NRDC: variants seen among roughly 807,000 people sequenced by gnomAD.
NRDC encodes the protein nardilysin.
A neutral mutation model predicts 147.1 loss-of-function variants in NRDC; 54 were observed. The observed-to-expected ratio is 0.37, with a 90% CI of 0.29 to 0.46. The LOEUF (loss-of-function observed/expected upper bound fraction) is 0.46, where lower values mean the gene tolerates loss of function less well. NRDC is among the 20% of genes least tolerant of loss of function. The probability of loss-of-function intolerance (pLI) is 1.00; values close to 1 mark genes in which losing one functional copy is unlikely to be tolerated. For missense variants in NRDC, 1,082 were observed against 1,370.6 expected (o/e 0.79, Z 3.33); for synonymous variants, 440 against 482.1 (o/e 0.91, Z 1.14).
At chr1:51,818,517 G>C (rs1332834706) in intron 9 of NRDC, among the ~76,000 whole-genome samples, 2 of 152,146 alleles carry the variant, frequency 1.3e-5, no homozygotes, top group Non-Finnish European at 2.9e-5. Context: ...AAATCTTTTT[G>C]AATCTGTTTA....
Position 51,825,357 on chromosome 1 carries a change from A to C in NRDC, c.966T>G (p.Asp322Glu). The C allele has an allele frequency of 2.5e-6, 4 of 1,588,770 alleles. No individual in the cohort carries two copies. Among genetic ancestry groups the C allele is most frequent in the Non-Finnish European group, 3.4e-6 (4 of 1,173,982 alleles). Residue 322 changes from aspartate to glutamate, a missense_variant, in exon 6 of 31, where the codon GAT becomes GAG. By Grantham distance (45) the Asp-to-Glu change is conservative. Transcript: ENST00000352171. ...CAAACAACATTTCCTTTCTGTTTGC[A>C]TCAGAAGGCCTTGCAAGTTGATATT... is the stretch of plus-strand genomic sequence containing the variant. ...DSEYQLARPS[D>E]ANRKEMLFGS... is the part of the protein sequence containing the mutation.
Position 51,828,718 on chromosome 1 carries a change from CT to C in NRDC, c.867-850del, listed in dbSNP as rs34609463. ...TTAATTTCCTAAAATGTTTAGTAAA[CT>C]TTTTTTTTTTTTTTTTGGATATAGT... On this transcript the variant is annotated intron_variant, in intron 4 of 30. Transcript: ENST00000352171. Among the ~76,000 whole-genome samples, 117 of 136,394 alleles carry C rather than the reference CT, an allele frequency of 8.6e-4. 1 individual carries two copies. The highest frequency in any genetic ancestry group is 3.5e-3 in the Admixed American group (47 of 13,334). The allele number at this position is 136,394 out of a possible 152,430, so 89.5% of individuals were successfully genotyped here.
chr1:51,853,428 G>A (rs1386740172), intron 1 of NRDC, among the ~76,000 whole-genome samples: 3 of 152,094 alleles, frequency 2.0e-5, no homozygotes, highest in African/African-American at 4.8e-5. Context: ...TATCTTAGCT[G>A]CAAGTAAATT....
At chr1:51,843,014 C>T (rs1312472821) in intron 1 of NRDC, among the ~76,000 whole-genome samples, 1 of 131,494 alleles carries the variant, frequency 7.6e-6, no homozygotes, top group African/African-American at 2.8e-5. Flanking sequence ...CCGTGAGCCA[C>T]GTTCATGCCA....
In NRDC at chr1:51,814,676, G is replaced by A; in HGVS notation, c.1560+17C>T. The A allele has an allele frequency of 1.9e-6, 3 of 1,604,736 alleles. No homozygotes were observed. Among genetic ancestry groups the A allele is most frequent in the South Asian group, 1.1e-5 (1 of 90,328 alleles). On this transcript the variant is annotated intron_variant, in intron 12 of 30. Transcript: ENST00000352171. ...ATCTACGTAAAAGGAAAAAACAACT[G>A]AATTTGAATTATTTACCTCATAAAA...
intron 20 of NRDC, among the ~76,000 whole-genome samples, chr1:51,802,363 A>G (rs1371786487): frequency 6.6e-6 from 1 of 152,320 alleles, no homozygotes; most frequent in South Asian, 2.1e-4. Flanking sequence ...CTATACATAC[A>G]TACATACATA....
rs188877870 is a variant in NRDC, at chr1:51,855,742, G to A, written c.342-15228C>T. On this transcript the variant is annotated intron_variant, in intron 1 of 30. Coordinates refer to ENST00000352171, the MANE Select transcript of NRDC (RefSeq NM_001101662.2). ...AAAAAAAGTAGCTAGGTATGGTGACGCACCCCTGTAATCCCAGCTACTCAG... is the reference window on the plus strand; with the variant it reads ...AAAAAAAGTAGCTAGGTATGGTGACACACCCCTGTAATCCCAGCTACTCAG... Among the ~76,000 whole-genome samples, 40 of 152,134 alleles carry A rather than the reference G, an allele frequency of 2.6e-4. No individual in the cohort carries two copies. The East Asian group carries it at 5.6e-3, about 21-fold the overall frequency.
chr1:51,860,030 A>G, intron 1 of NRDC: 1 of 203,558 alleles, frequency 4.9e-6, no homozygotes, highest in Non-Finnish European at 1.1e-5. Flanking sequence ...AAGGTGATCC[A>G]GATTTGGCCG....
intron 7 of NRDC, among the ~76,000 whole-genome samples, chr1:51,823,256 C>T (rs760507505): frequency 1.3e-5 from 2 of 152,160 alleles, no homozygotes; most frequent in Non-Finnish European, 2.9e-5. Flanking sequence ...GCCATTTTTA[C>T]AGGACCTTAT....
chr1:51,838,834 G>C (rs1310632897), intron 2 of NRDC, among the ~76,000 whole-genome samples: 2 of 151,932 alleles, frequency 1.3e-5, no homozygotes, highest in Non-Finnish European at 2.9e-5. Flanking sequence ...TCTGTTCATA[G>C]AGACCTTAGC....
chr1:51,833,950 A>G, intron 4 of NRDC, 67 bp downstream of exon 4: 11 of 1,372,252 alleles, frequency 8.0e-6, no homozygotes, highest in Middle Eastern at 1.8e-4. Context: ...CTGTACAAGA[A>G]CACTCTATTT....
chr1:51,815,019 C>G (rs564290301), intron 11 of NRDC, among the ~76,000 whole-genome samples: 1 of 152,236 alleles, frequency 6.6e-6, no homozygotes, highest in Admixed American at 6.5e-5. Flanking sequence ...ATTTAGGAAT[C>G]ACCAGAAGGA....
At chr1:51,874,763 A>C (rs1683244699) in intron 1 of NRDC, among the ~76,000 whole-genome samples, 1 of 152,220 alleles carries the variant, frequency 6.6e-6, no homozygotes, top group Non-Finnish European at 1.5e-5. Flanking sequence ...ATACTTGGTA[A>C]GCATTTAATA....
At chr1:51,816,916 TCA>T (rs1436221389) in intron 10 of NRDC, among the ~76,000 whole-genome samples, 10 of 152,198 alleles carry the variant, frequency 6.6e-5, no homozygotes, top group African/African-American at 2.4e-4. Context: ...AACTACTTAC[TCA>T]CAGAGTTTTC....
chr1:51,850,888 C>T (rs1256792493), intron 1 of NRDC, among the ~76,000 whole-genome samples: 1 of 152,174 alleles, frequency 6.6e-6, no homozygotes, highest in African/African-American at 2.4e-5. Flanking sequence ...CCATGCCTTC[C>T]TTTCTACCAC....
rs139026872 is a variant in NRDC, at chr1:51,789,673, A to AAGAT, written c.3169-20_3169-17dup. On this transcript the variant is annotated splice_polypyrimidine_tract_variant and intron_variant, in intron 29 of 30. Coordinates refer to ENST00000352171, the MANE Select transcript of NRDC (RefSeq NM_001101662.2). ...GTGCTTCAATCTTACAAGGGAAGGG[A>AAGAT]AGATAGGAAAGAAATTCAAGAAGAA... is the stretch of plus-strand genomic sequence containing the variant. The AAGAT allele has an allele frequency of 7.9e-4, 1,235 of 1,558,768 alleles. 23 individuals are homozygous for AAGAT. In the East Asian group the frequency reaches 0.024, roughly 30 times the overall value.
At chr1:51,868,939 T>G (rs1682950863) in intron 1 of NRDC, among the ~76,000 whole-genome samples, 2 of 152,192 alleles carry the variant, frequency 1.3e-5, no homozygotes, top group African/African-American at 4.8e-5. Flanking sequence ...AGAATAATTA[T>G]GGAGAATTCT....
chr1:51,805,521 T>C lies in NRDC; in HGVS notation c.2151A>G (p.Lys717=), dbSNP rs1471568147. 3 of 1,582,948 alleles carry C rather than the reference T, an allele frequency of 1.9e-6. No individual in the cohort carries two copies. Among genetic ancestry groups the C allele is most frequent in the Non-Finnish European group, 2.6e-6 (3 of 1,170,268 alleles). The change falls in exon 19 of 31, where the codon AAA becomes AAG. Residue 717 remains lysine, a synonymous_variant. Transcript: ENST00000352171. ...RFHLISPLIQ[K]SAANVVLFDI... ...AGACAATTGCTTACTTTGCTGCAGATTTCTGTATCAACGGTGAAATTAGAT... is the reference window on the plus strand; with the variant it reads ...AGACAATTGCTTACTTTGCTGCAGACTTCTGTATCAACGGTGAAATTAGAT...
Position 51,872,943 on chromosome 1 carries a change from A to G in NRDC, c.341+5332T>C, listed in dbSNP as rs148532858. On this transcript the variant is annotated intron_variant, in intron 1 of 30. Transcript: ENST00000352171. ...TCACTTGTTCATTTGTTATCAGACT[A>G]AGGAATTGTCAATCTCATGGAATTT... is the stretch of plus-strand genomic sequence containing the variant. Among the ~76,000 whole-genome samples the G allele has an allele frequency of 4.5e-3, 671 of 150,110 alleles. 15 individuals carry two copies. Among genetic ancestry groups the G allele is most frequent in the East Asian group, 0.036 (185 of 5,192 alleles).
Sources: allele counts gnomAD v4.1 joint callset (sites outside exome capture counted in the v4.1 genomes callset), GRCh38; gene constraint gnomAD v4.1.1; transcripts MANE v1.5; gene names NCBI Gene and HGNC (gene_info 2026-07-23, HGNC 2026-07-21).